METTL15: variants seen among roughly 807,000 people sequenced by gnomAD.
METTL15 encodes 12S rRNA N(4)-cytidine methyltransferase METTL15.
Under a neutral mutation model 38.3 loss-of-function variants are expected in METTL15, and 34 were observed. That is an observed-to-expected ratio of 0.89 (90% CI 0.68 to 1.18). METTL15 has a LOEUF of 1.18. METTL15 is among the 50% of genes most tolerant of loss of function. The probability of loss-of-function intolerance (pLI) is 0.00; values close to 1 mark genes in which losing one functional copy is unlikely to be tolerated. For synonymous variants in METTL15, 162 were observed against 170.9 expected (o/e 0.95, Z 0.41); for missense variants, 438 against 498.4 (o/e 0.88, Z 1.15).
At position 28,199,816 on chromosome 11, in the gene METTL15, C is replaced by CA. The variant is rs1457295136; in HGVS notation, c.271-11245dup. ...GGAGTGCAATGGCATGATCTCGGCT[C>CA]ACTGCAACCTCCTCCTCCCAGGATC... On this transcript the variant is annotated intron_variant, in intron 3 of 6. Coordinates refer to ENST00000407364, the MANE Select transcript of METTL15 (RefSeq NM_001113528.2). Among the ~76,000 whole-genome samples, 5 of 151,310 alleles carry CA rather than the reference C, an allele frequency of 3.3e-5. No individual in the cohort carries two copies. In the East Asian group the frequency reaches 9.8e-4, roughly 30 times the overall value.
chr11:28,436,851 G>C (rs927705681), intron 6 of METTL15, among the ~76,000 whole-genome samples: 1 of 152,140 alleles, frequency 6.6e-6, no homozygotes, highest in African/African-American at 2.4e-5. Flanking sequence ...GTGTGTCTAT[G>C]GGGATGTTGT....
intron 3 of METTL15, among the ~76,000 whole-genome samples, chr11:28,138,838 C>G (rs1225797264): frequency 6.6e-6 from 1 of 152,158 alleles, no homozygotes; most frequent in Non-Finnish European, 1.5e-5. Flanking sequence ...TTGGCTTGAA[C>G]AACAGGCTTA....
intron 5 of METTL15, among the ~76,000 whole-genome samples, chr11:28,421,079 C>T (rs1054436078): frequency 6.6e-6 from 1 of 151,850 alleles, no homozygotes; most frequent in Non-Finnish European, 1.5e-5. Context: ...ACTACTTGAG[C>T]AACTATATGT....
chr11:28,343,926 T>C (rs956470932), intron 3 of METTL15, among the ~76,000 whole-genome samples: 3 of 152,186 alleles, frequency 2.0e-5, no homozygotes, highest in African/African-American at 7.2e-5. Flanking sequence ...AGGTAAGTAC[T>C]ATGACAGCCC....
chr11:28,303,504 C>G (rs767954946), intron 6 of METTL15, among the ~76,000 whole-genome samples: 1 of 151,920 alleles, frequency 6.6e-6, no homozygotes. Flanking sequence ...TCTAAACAAT[C>G]AAAAGGTGAC....
chr11:28,440,863 G>A (rs1348739823), intron 6 of METTL15, among the ~76,000 whole-genome samples: 1 of 152,136 alleles, frequency 6.6e-6, no homozygotes, highest in Non-Finnish European at 1.5e-5. Context: ...GAGGAAAGGT[G>A]CCATCAAGAA....
At chr11:28,463,512 T>G (rs1474031184) in intron 6 of METTL15, among the ~76,000 whole-genome samples, 1 of 152,106 alleles carries the variant, frequency 6.6e-6, no homozygotes, top group East Asian at 1.9e-4. Context: ...GATAACTGCT[T>G]AAAATGATAA....
chr11:28,234,073 C>A (rs529000581), intron 4 of METTL15, among the ~76,000 whole-genome samples: 1 of 151,000 alleles, frequency 6.6e-6, no homozygotes, highest in Non-Finnish European at 1.5e-5. Context: ...TTTGTCCTTG[C>A]GATAGTTTAC....
At chr11:28,520,561 A>G (rs1037201315) in intron 6 of METTL15, among the ~76,000 whole-genome samples, 2 of 152,150 alleles carry the variant, frequency 1.3e-5, no homozygotes, top group Non-Finnish European at 2.9e-5. Context: ...AAAATAACTT[A>G]TGGTTAGGCC....
intron 3 of METTL15, among the ~76,000 whole-genome samples, chr11:28,345,173 C>T (rs539664909): frequency 3.9e-5 from 6 of 152,130 alleles, no homozygotes; most frequent in African/African-American, 1.4e-4. Flanking sequence ...AATAGTTTAT[C>T]TTTTCTTTTT....
intron 3 of METTL15, among the ~76,000 whole-genome samples, chr11:28,178,538 G>T (rs1353640282): frequency 6.7e-6 from 1 of 150,042 alleles, no homozygotes; most frequent in Non-Finnish European, 1.5e-5. Flanking sequence ...CATTCTATTA[G>T]CAGTATTATC....
At chr11:28,249,640 G>A (rs866050609) in intron 4 of METTL15, among the ~76,000 whole-genome samples, 2 of 151,792 alleles carry the variant, frequency 1.3e-5, no homozygotes, top group Non-Finnish European at 2.9e-5. Flanking sequence ...TATGTATATC[G>A]TGTTATATAA....
chr11:28,378,322 G>C (rs1410528774), intron 5 of METTL15, among the ~76,000 whole-genome samples: 1 of 152,240 alleles, frequency 6.6e-6, no homozygotes, highest in Non-Finnish European at 1.5e-5. Context: ...CGTGGGGTAG[G>C]ACCCTCTGAG....
At chr11:28,132,382 A>G (rs946457610) in intron 3 of METTL15, among the ~76,000 whole-genome samples, 2 of 152,106 alleles carry the variant, frequency 1.3e-5, no homozygotes, top group Non-Finnish European at 2.9e-5. Flanking sequence ...ATTAAAATAT[A>G]TATAATTTTA....
intron 3 of METTL15, among the ~76,000 whole-genome samples, chr11:28,349,595 G>T (rs749270361): frequency 1.3e-5 from 2 of 152,174 alleles, no homozygotes; most frequent in African/African-American, 2.4e-5. Flanking sequence ...TGCTTTAATT[G>T]TGAGTATGTT....
rs1302200750 is a variant in METTL15, at chr11:28,330,764, C to T, written c.1147C>T (p.Leu383Phe). 1.3e-6 allele frequency: 2 copies of T among 1,551,770 alleles called. No individual in the cohort carries two copies. The highest frequency in any genetic ancestry group is 8.7e-7 in the Non-Finnish European group (1 of 1,146,862). ...LMWELIHKKV[L>F]SPQDQDVQDN... is the part of the protein sequence containing the mutation. ...GTGGGAATTGATACACAAGAAGGTA[C>T]TTAGTCCACAAGATCAGGATGTACA... The change falls in exon 7 of 7, where the codon CTT becomes TTT. Residue 383 changes from leucine (L) to phenylalanine (F), a missense_variant. Coordinates refer to ENST00000407364, the MANE Select transcript of METTL15 (RefSeq NM_001113528.2).
chr11:28,335,375 C>G (rs1456483761), downstream of METTL15, among the ~76,000 whole-genome samples: 3 of 152,148 alleles, frequency 2.0e-5, no homozygotes, highest in Non-Finnish European at 4.4e-5. Flanking sequence ...CTTGGACATC[C>G]TATTTAATCT....
chr11:28,219,367 G>C lies in METTL15; in HGVS notation c.407+8169G>C, dbSNP rs973290134. Among the ~76,000 whole-genome samples, 9 of 152,118 alleles carry C rather than the reference G, an allele frequency of 5.9e-5. No individual in the cohort carries two copies. The South Asian group carries it at 1.0e-3, about 18-fold the overall frequency. ...TGTGTAGAGGTGTTTATAGTATTCT[G>C]TGATGGTAGTTTGTATTTCTGTGGG... is the stretch of plus-strand genomic sequence containing the variant. On this transcript the variant is annotated intron_variant, in intron 4 of 6. Coordinates refer to ENST00000407364, the MANE Select transcript of METTL15 (RefSeq NM_001113528.2).
intron 4 of METTL15, among the ~76,000 whole-genome samples, chr11:28,285,262 G>A (rs1856208253): frequency 6.6e-6 from 1 of 152,072 alleles, no homozygotes; most frequent in African/African-American, 2.4e-5. Flanking sequence ...ATGGTTTAAA[G>A]CAAGCTTGTC....
Sources: allele counts gnomAD v4.1 joint callset (sites outside exome capture counted in the v4.1 genomes callset), GRCh38; gene constraint gnomAD v4.1.1; transcripts MANE v1.5; gene names NCBI Gene and HGNC (gene_info 2026-07-23, HGNC 2026-07-21).